Variants in PKNOX1 observed in about 807,000 individuals in gnomAD.
The protein encoded by PKNOX1 is PBX/knotted 1 homeobox 1, also known as homeobox protein PKNOX1.
A neutral mutation model predicts 51.9 loss-of-function variants in PKNOX1; 15 were observed. That is an observed-to-expected ratio of 0.29 (90% CI 0.19 to 0.45). The LOEUF is 0.45. Ranked by LOEUF, PKNOX1 falls within the 20% of genes least tolerant of loss-of-function variation. PKNOX1 has a pLI of 1.00. For missense variants in PKNOX1, 462 were observed against 547.5 expected (o/e 0.84, Z 1.56); for synonymous variants, 219 against 211.1 (o/e 1.04, Z -0.32).
At chr21:43,019,017 AGAG>A (rs1250916868) in intron 7 of PKNOX1, among the ~76,000 whole-genome samples, 1 of 145,642 alleles carries the variant, frequency 6.9e-6, no homozygotes, top group Non-Finnish European at 1.5e-5. Context: ...CCCGGGAAGC[AGAG>A]GTTGCAGTGA....
chr21:43,002,298 G>A (rs1436090698), intron 1 of PKNOX1, among the ~76,000 whole-genome samples: 2 of 152,082 alleles, frequency 1.3e-5, no homozygotes, highest in African/African-American at 4.8e-5. Flanking sequence ...AACTTAAAAT[G>A]TCCCAACATG....
At chr21:43,000,090 C>T (rs970456179) in intron 1 of PKNOX1, among the ~76,000 whole-genome samples, 2 of 152,094 alleles carry the variant, frequency 1.3e-5, no homozygotes, top group African/African-American at 4.8e-5. Flanking sequence ...TAATTATCAG[C>T]ATTTTTGTCA....
chr21:42,992,843 G>C (rs2839614), intron 1 of PKNOX1, among the ~76,000 whole-genome samples: 1 of 143,894 alleles, frequency 6.9e-6, no homozygotes, highest in African/African-American at 2.6e-5. Flanking sequence ...CCTTCCTCAC[G>C]GTATCGGGGG....
intron 1 of PKNOX1, among the ~76,000 whole-genome samples, chr21:42,983,021 G>C (rs1385995214): frequency 6.6e-6 from 1 of 152,086 alleles, no homozygotes; most frequent in African/African-American, 2.4e-5. Flanking sequence ...TGTTGGCCAG[G>C]CTGGTCTCGA....
At chr21:43,017,045 T>G (rs1269368326) in intron 6 of PKNOX1, 38 bp downstream of exon 6, 5 of 1,410,936 alleles carry the variant, frequency 3.5e-6, no homozygotes, top group Non-Finnish European at 5.0e-6. Flanking sequence ...CTCCATGAGT[T>G]TTTGCAGAAA....
At position 43,005,249 on chromosome 21, in the gene PKNOX1, C is replaced by T. The variant is rs561611421; in HGVS notation, c.51+817C>T. On this transcript the variant is annotated intron_variant, in intron 2 of 10. Transcript: ENST00000291547. ...CCCCCCTCGGCTCTCCTCCCCACCT[C>T]GAGGACTTCGGTGGCAAGGATCAGG... is the stretch of plus-strand genomic sequence containing the variant. Among the ~76,000 whole-genome samples the T allele has an allele frequency of 5.3e-5, 8 of 152,274 alleles. No individual in the cohort carries two copies. The South Asian group carries it at 1.7e-3, about 32-fold the overall frequency.
At chr21:42,987,404 A>AATATATATATATATATAT (rs1170402960) in intron 1 of PKNOX1, among the ~76,000 whole-genome samples, 26 of 41,400 alleles carry the variant, frequency 6.3e-4, no homozygotes, top group Middle Eastern at 0.017. Flanking sequence ...AAAAAAAAAA[A>AATATATATATATATATAT]ATATATATAT....
intron 10 of PKNOX1, among the ~76,000 whole-genome samples, chr21:43,029,420 C>CTTTTTTTTTTTTT: frequency 2.3e-5 from 2 of 87,522 alleles, no homozygotes; most frequent in African/African-American, 4.2e-5. Flanking sequence ...TATTTGTTTG[C>CTTTTTTTTTTTTT]TTTGTTTTTT....
intron 1 of PKNOX1, among the ~76,000 whole-genome samples, chr21:42,997,735 C>T (rs1014302983): frequency 1.3e-5 from 2 of 152,166 alleles, no homozygotes; most frequent in African/African-American, 4.8e-5. Context: ...GGAAGGCTTT[C>T]TGGAGAAGGT....
chr21:43,024,894 G>GA lies in PKNOX1; in HGVS notation c.879dup (p.Gln294ThrfsTer55), dbSNP rs770481809. 1 of 1,611,858 alleles carries GA rather than the reference G, an allele frequency of 6.2e-7. No homozygotes were observed. Among genetic ancestry groups the GA allele is most frequent in the Non-Finnish European group, 8.5e-7 (1 of 1,178,106 alleles). The stretch of plus-strand genomic sequence containing the variant: ...AGCATCCCTACCCAACAGAGGATGA[G>GA]AAAAAACAGATTGCTGCTCAGACAA... On this transcript the variant is annotated frameshift_variant, in exon 9 of 11. Transcript: ENST00000291547. LOFTEE classifies it high-confidence loss of function.
chr21:43,023,349 C>T (rs892052579), intron 8 of PKNOX1, among the ~76,000 whole-genome samples: 2 of 152,086 alleles, frequency 1.3e-5, no homozygotes, highest in African/African-American at 4.8e-5. Flanking sequence ...GAGGCCGCTC[C>T]GTCCCCATGT....
chr21:42,987,509 T>C (rs2059060491), intron 1 of PKNOX1, among the ~76,000 whole-genome samples: 2 of 149,954 alleles, frequency 1.3e-5, no homozygotes, highest in South Asian at 4.2e-4. Flanking sequence ...AAGTATCACT[T>C]GTCTTTGAAC....
At chr21:43,008,807 C>T (rs1044017621) in intron 3 of PKNOX1, among the ~76,000 whole-genome samples, 8 of 151,894 alleles carry the variant, frequency 5.3e-5, no homozygotes, top group African/African-American at 1.9e-4. Context: ...TTTTTAAGTT[C>T]AGCATAGAAT....
At chr21:42,977,612 A>T (rs55920256) in intron 1 of PKNOX1, among the ~76,000 whole-genome samples, 1 of 124,490 alleles carries the variant, frequency 8.0e-6, no homozygotes, top group African/African-American at 3.2e-5. Context: ...CAATGGCGTG[A>T]TCTCGGCTCA....
chr21:43,014,827 C>T (rs1979417464), intron 5 of PKNOX1, among the ~76,000 whole-genome samples: 1 of 152,230 alleles, frequency 6.6e-6, no homozygotes, highest in Non-Finnish European at 1.5e-5. Flanking sequence ...GATTCCTTTT[C>T]AAAATTGTTT....
At chr21:42,999,798 C>T (rs1479957447) in intron 1 of PKNOX1, among the ~76,000 whole-genome samples, 2 of 152,150 alleles carry the variant, frequency 1.3e-5, no homozygotes, top group Non-Finnish European at 2.9e-5. Context: ...TTTTCTATCA[C>T]ATTGTCAGGC....
Position 42,975,752 on chromosome 21 carries a change from G to T in PKNOX1, c.-57+1088G>T, listed in dbSNP as rs577650397. Among the ~76,000 whole-genome samples the T allele has an allele frequency of 5.9e-5, 9 of 152,342 alleles. No homozygotes were observed. In the South Asian group the frequency reaches 1.9e-3, roughly 32 times the overall value. ...CCACGGCGGGGCCGCAGCCCTGGGG[G>T]GTGTTCCACCTGTGTGTGGGGTTCT... On this transcript the variant is annotated intron_variant, in intron 1 of 10. Coordinates refer to ENST00000291547, the MANE Select transcript of PKNOX1 (RefSeq NM_004571.5).
At chr21:43,005,874 C>G (rs1978967135) in intron 2 of PKNOX1, among the ~76,000 whole-genome samples, 1 of 152,232 alleles carries the variant, frequency 6.6e-6, no homozygotes, top group Non-Finnish European at 1.5e-5. Flanking sequence ...TCCCAGGCAG[C>G]TGTGCCAGGT....
Position 43,021,039 on chromosome 21 carries a change from T to C in PKNOX1, c.721-264T>C. 1 of 218,362 alleles carries C rather than the reference T, an allele frequency of 4.6e-6. No individual in the cohort carries two copies. Among genetic ancestry groups the C allele is most frequent in the East Asian group, 1.2e-4 (1 of 8,602 alleles). The allele number at this position is 218,362 out of a possible 1,614,324, so 13.5% of individuals were successfully genotyped here. ...TGGAAGAATCACTTGAGCCCAGGAG[T>C]TCAAGGCTGCAGTGAGCCGTGACTG... On this transcript the variant is annotated intron_variant, in intron 7 of 10. Transcript: ENST00000291547. This position sits in a 1 kb window ranked among gnomAD's most constrained non-coding sequence, Gnocchi z 4.6.
Sources: gnomAD v4.1 joint callset for allele counts (sites outside exome capture counted in the v4.1 genomes callset) on GRCh38, gnomAD v4.1.1 for gene constraint, Gnocchi (gnomAD v3.1) non-coding constraint, MANE v1.5 for transcripts, NCBI Gene and HGNC (gene_info 2026-07-23, HGNC 2026-07-21) for gene names.